Variants in MARCHF3 observed in about 807,000 individuals in gnomAD.
MARCHF3 encodes the protein E3 ubiquitin-protein ligase MARCHF3.
MARCHF3 carries 13 observed loss-of-function variants against 24.2 expected under a neutral mutation model. The ratio of observed to expected loss-of-function variants is 0.54; its 90% CI spans 0.35 to 0.85. The LOEUF is 0.85. Among genes scored for constraint, MARCHF3 ranks in the 40% least tolerant of loss-of-function variants. The pLI is 0.01. For synonymous variants in MARCHF3, 144 were observed against 137.3 expected (o/e 1.05, Z -0.34); for missense variants, 276 against 325.0 (o/e 0.85, Z 1.16).
At chr5:126,964,517 C>T (rs1353811519) in intron 1 of MARCHF3, among the ~76,000 whole-genome samples, 2 of 152,042 alleles carry the variant, frequency 1.3e-5, no homozygotes, top group African/African-American at 2.4e-5. Context: ...GCCTAAGCCT[C>T]GGCAATTTCC....
At chr5:126,914,710 A>C in intron 3 of MARCHF3, 1 of 589,110 alleles carries the variant, frequency 1.7e-6, no homozygotes, top group Non-Finnish European at 3.0e-6. Context: ...CTGGATCCCA[A>C]GTGAGCTAGC....
intron 1 of MARCHF3, among the ~76,000 whole-genome samples, chr5:126,924,531 G>C (rs1334944694): frequency 6.6e-6 from 1 of 152,134 alleles, no homozygotes; most frequent in African/African-American, 2.4e-5. Flanking sequence ...ACATTCCTCT[G>C]GCTTTTCAGG....
At chr5:126,987,759 T>C (rs1009606981) in intron 1 of MARCHF3, among the ~76,000 whole-genome samples, 2 of 152,094 alleles carry the variant, frequency 1.3e-5, no homozygotes, top group Non-Finnish European at 2.9e-5. Context: ...GGATTTCAAG[T>C]CCGGGTGGAG....
chr5:127,003,757 C>G (rs1471599428), intron 1 of MARCHF3, among the ~76,000 whole-genome samples: 1 of 152,136 alleles, frequency 6.6e-6, no homozygotes, highest in Non-Finnish European at 1.5e-5. Flanking sequence ...GAAAAACTTA[C>G]AAAAAGTGGA....
chr5:126,947,930 C>T lies in MARCHF3; in HGVS notation c.-56-29703G>A, dbSNP rs527239930. On this transcript the variant is annotated intron_variant, in intron 1 of 4. Transcript: ENST00000308660. ...AGAACTGTTGTCCTAACCATGACAACTGTACTTGGTCAAAGAGGACATTCT... is the reference window on the plus strand; with the variant it reads ...AGAACTGTTGTCCTAACCATGACAATTGTACTTGGTCAAAGAGGACATTCT... 9.0e-4 allele frequency among the ~76,000 whole-genome samples: 137 copies of T among 152,246 alleles called. No individual in the cohort carries two copies. The South Asian group carries it at 0.028, about 31-fold the overall frequency.
At chr5:126,921,141 G>A (rs60068645) in intron 1 of MARCHF3, among the ~76,000 whole-genome samples, 4,856 of 151,924 alleles carry the variant, frequency 0.032, 225 homozygotes, top group African/African-American at 0.11. Flanking sequence ...CATGTCTTAC[G>A]TATACCACAC....
intron 1 of MARCHF3, among the ~76,000 whole-genome samples, chr5:126,926,086 T>C (rs1053704696): frequency 6.6e-6 from 1 of 152,224 alleles, no homozygotes; most frequent in Non-Finnish European, 1.5e-5. Flanking sequence ...TGAAGGACGT[T>C]GATTTGGGAT....
At chr5:126,886,478 C>A (rs1284307604) in intron 3 of MARCHF3, among the ~76,000 whole-genome samples, 17 of 152,160 alleles carry the variant, frequency 1.1e-4, no homozygotes, top group Non-Finnish European at 2.9e-5. Flanking sequence ...AGTTCTTTAA[C>A]TCTGTTGTGG....
In MARCHF3 at chr5:126,967,285, T is replaced by A. The variant is rs75772437; in HGVS notation, c.-56-49058A>T. Among the ~76,000 whole-genome samples the A allele has an allele frequency of 7.9e-5, 12 of 152,282 alleles. No individual in the cohort carries two copies. The East Asian group carries it at 2.3e-3, about 29-fold the overall frequency. On this transcript the variant is annotated intron_variant, in intron 1 of 4. Coordinates refer to ENST00000308660, the MANE Select transcript of MARCHF3 (RefSeq NM_178450.5). ...CATCCTTGGTGATTCTATTATCTAATTTGGCATACACGATATGCGATTCTT... is the reference window on the plus strand; with the variant it reads ...CATCCTTGGTGATTCTATTATCTAAATTGGCATACACGATATGCGATTCTT...
chr5:126,939,107 C>G (rs1376047011), intron 1 of MARCHF3, among the ~76,000 whole-genome samples: 3 of 152,144 alleles, frequency 2.0e-5, no homozygotes, highest in Non-Finnish European at 4.4e-5. Flanking sequence ...AGCACATGTA[C>G]AGATTCCTGT....
chr5:126,871,233 C>T (rs867295916), intron 4 of MARCHF3, among the ~76,000 whole-genome samples: 1 of 152,282 alleles, frequency 6.6e-6, no homozygotes, highest in African/African-American at 2.4e-5. Context: ...GCAAGTTAGA[C>T]CCTGCACAAC....
At chr5:126,883,824 C>T (rs1753418360) in intron 3 of MARCHF3, among the ~76,000 whole-genome samples, 1 of 152,178 alleles carries the variant, frequency 6.6e-6, no homozygotes, top group African/African-American at 2.4e-5. Context: ...TGTACTAAAA[C>T]CAGATTACAC....
chr5:126,933,653 C>G (rs1160331902), intron 1 of MARCHF3, among the ~76,000 whole-genome samples: 2 of 152,068 alleles, frequency 1.3e-5, no homozygotes, highest in African/African-American at 4.8e-5. Context: ...ACCGTGTTAG[C>G]CAGGATGGTC....
intron 1 of MARCHF3, among the ~76,000 whole-genome samples, chr5:126,928,096 G>C (rs1398055439): frequency 1.3e-5 from 2 of 151,990 alleles, no homozygotes; most frequent in African/African-American, 4.8e-5. Context: ...AATACAGTAG[G>C]CCTTTACTGC....
intron 4 of MARCHF3, among the ~76,000 whole-genome samples, chr5:126,871,491 C>T (rs919323878): frequency 6.6e-6 from 1 of 152,230 alleles, no homozygotes; most frequent in African/African-American, 2.4e-5. Flanking sequence ...CCACATGGCA[C>T]TGAGTGTCCT....
rs1169886336 is a variant in MARCHF3 at position 126,895,599 on chromosome 5, G to A, written c.394-17205C>T. Reference sequence around the variant, plus strand: ...TGAGGTGTCAGTGTGCCCCTGCTGGGGGGTGCCTCCCAGTTATGCTGCTCG... The same window carrying A: ...TGAGGTGTCAGTGTGCCCCTGCTGGAGGGTGCCTCCCAGTTATGCTGCTCG... On this transcript the variant is annotated intron_variant, in intron 3 of 4. Transcript: ENST00000308660. Among the ~76,000 whole-genome samples, 6 of 152,202 alleles carry A rather than the reference G, an allele frequency of 3.9e-5. 1 individual carries two copies. Among genetic ancestry groups the A allele is most frequent in the Middle Eastern group, 3.4e-3 (1 of 294 alleles).
Position 126,895,781 on chromosome 5 carries a change from C to T in MARCHF3, c.394-17387G>A, listed in dbSNP as rs553044145. Among the ~76,000 whole-genome samples the T allele has an allele frequency of 7.2e-5, 11 of 152,286 alleles. No homozygotes were observed. The South Asian group carries it at 2.1e-3, about 29-fold the overall frequency. ...TGTCTTTTTGTTTGTCTGTGCACTG[C>T]CCCCAGAGGTGGAGCCTACAGAGGC... is the stretch of plus-strand genomic sequence containing the variant. On this transcript the variant is annotated intron_variant, in intron 3 of 4. Transcript: ENST00000308660.
intron 3 of MARCHF3, among the ~76,000 whole-genome samples, chr5:126,882,689 T>A (rs1262260333): frequency 2.6e-5 from 4 of 152,172 alleles, no homozygotes; most frequent in Non-Finnish European, 1.5e-5. Context: ...TACCTTTACA[T>A]CACTGGTGTC....
intron 3 of MARCHF3, among the ~76,000 whole-genome samples, chr5:126,904,085 T>C (rs1411815860): frequency 2.7e-5 from 4 of 150,840 alleles, no homozygotes; most frequent in East Asian, 1.9e-4. Flanking sequence ...GTTCTTGCGA[T>C]AGTTTACTGA....
Sources: allele counts gnomAD v4.1 joint callset (sites outside exome capture counted in the v4.1 genomes callset), GRCh38; gene constraint gnomAD v4.1.1; transcripts MANE v1.5; gene names NCBI Gene and HGNC (gene_info 2026-07-23, HGNC 2026-07-21).